Variants in MEF2D observed in about 807,000 individuals in gnomAD.
The protein encoded by MEF2D is myocyte-specific enhancer factor 2D.
A neutral mutation model predicts 59.3 loss-of-function variants in MEF2D; 10 were observed. That is an observed-to-expected ratio of 0.17 (90% CI 0.10 to 0.29). The LOEUF is 0.29. Among genes scored for constraint, MEF2D ranks in the 10% least tolerant of loss-of-function variants. The probability of loss-of-function intolerance (pLI) is 1.00; values close to 1 mark genes in which losing one functional copy is unlikely to be tolerated. For synonymous variants in MEF2D, 305 were observed against 295.0 expected (o/e 1.03, Z -0.35); for missense variants, 508 against 699.4 (o/e 0.73, Z 3.09).
chr1:156,475,835 C>T (rs990491688), intron 8 of MEF2D, among the ~76,000 whole-genome samples: 22 of 152,218 alleles, frequency 1.4e-4, no homozygotes, highest in African/African-American at 5.3e-4. Context: ...GAGGGAGGAG[C>T]CCCCGCCCCA....
chr1:156,497,023 T>C (rs1476424673), intron 1 of MEF2D, among the ~76,000 whole-genome samples: 1 of 152,054 alleles, frequency 6.6e-6, no homozygotes, highest in Non-Finnish European at 1.5e-5. Context: ...GTGCTTTGAG[T>C]TCCCCTCCTT....
chr1:156,483,315 T>C lies in MEF2D; in HGVS notation c.-23A>G. ...CATCTTCTCCGGGGGTCCTCAGTGC[T>C]ACGGAGGGGAGGGGCTCGCTGGGTG... On this transcript the variant is annotated 5_prime_UTR_variant, in exon 2 of 12. Transcript: ENST00000348159. 1 of 1,613,038 alleles carries C rather than the reference T, an allele frequency of 6.2e-7. No individual in the cohort carries two copies. The highest frequency in any genetic ancestry group is 8.5e-7 in the Non-Finnish European group (1 of 1,179,048).
chr1:156,483,925 A>T (rs565446886), intron 1 of MEF2D, among the ~76,000 whole-genome samples: 21 of 152,334 alleles, frequency 1.4e-4, no homozygotes, highest in Non-Finnish European at 1.5e-5. Context: ...GCTCAAGAAC[A>T]TACCAGAGCA....
At chr1:156,487,369 C>T (rs1454076286) in intron 1 of MEF2D, among the ~76,000 whole-genome samples, 1 of 152,208 alleles carries the variant, frequency 6.6e-6, no homozygotes, top group Admixed American at 6.5e-5. Flanking sequence ...CTTCCCAGGC[C>T]CCTTTCCCCA....
chr1:156,488,145 G>T (rs1460412037), intron 1 of MEF2D, among the ~76,000 whole-genome samples: 1 of 152,270 alleles, frequency 6.6e-6, no homozygotes, highest in Non-Finnish European at 1.5e-5. Context: ...GACAGGACAA[G>T]GGTGGGGCGG....
At chr1:156,469,067 A>G (rs1010991166) in intron 9 of MEF2D, 47 bp from the exon 10 acceptor site, 2 of 1,554,194 alleles carry the variant, frequency 1.3e-6, no homozygotes, top group Admixed American at 1.8e-5. Context: ...GGGAGAGCAC[A>G]CAGGCTCCTA....
intron 1 of MEF2D, among the ~76,000 whole-genome samples, chr1:156,488,790 G>C (rs1029585485): frequency 3.8e-4 from 58 of 152,284 alleles, no homozygotes; most frequent in African/African-American, 1.3e-3. Flanking sequence ...AGCGGTGAAG[G>C]GGAGAGGTCA....
chr1:156,472,382 A>C (rs1350728091), intron 9 of MEF2D, among the ~76,000 whole-genome samples: 1 of 152,242 alleles, frequency 6.6e-6, no homozygotes, highest in Middle Eastern at 3.2e-3. Context: ...CTGGGCACAC[A>C]CATGGGTGCA....
rs1670881231 is a variant in MEF2D, at chr1:156,466,885, C to G, written c.*760G>C. 1 of 152,742 alleles carries G rather than the reference C, an allele frequency of 6.5e-6. No individual in the cohort carries two copies. The highest frequency in any genetic ancestry group is 2.1e-4 in the South Asian group (1 of 4,840). The allele number at this position is 152,742 out of a possible 1,614,324, so 9.5% of individuals were successfully genotyped here. ...AGCCCTCTCCTCATGGCTCTCTTGTCTTTCCCTCCAAATGTGCTTCCAGAG... is the reference window on the plus strand; with the variant it reads ...AGCCCTCTCCTCATGGCTCTCTTGTGTTTCCCTCCAAATGTGCTTCCAGAG... On this transcript the variant is annotated 3_prime_UTR_variant, in exon 12 of 12. Transcript: ENST00000348159.
chr1:156,490,579 G>GC (rs1672728133), intron 1 of MEF2D: 1 of 152,380 alleles, frequency 6.6e-6, no homozygotes, highest in Non-Finnish European at 1.5e-5. Flanking sequence ...TGGGCCTAGG[G>GC]CAGGGGTGGT....
At chr1:156,493,353 G>C (rs1557896541) in intron 1 of MEF2D, among the ~76,000 whole-genome samples, 1 of 152,214 alleles carries the variant, frequency 6.6e-6, no homozygotes, top group Non-Finnish European at 1.5e-5. Context: ...AGAAGCCACT[G>C]AGGATTTAAA....
chr1:156,494,753 C>G (rs76616066), intron 1 of MEF2D, among the ~76,000 whole-genome samples: 20,410 of 152,240 alleles, frequency 0.13, 1,874 homozygotes, highest in Middle Eastern at 0.28. Flanking sequence ...CTCCCTTTCA[C>G]AGGTATGGAA....
intron 3 of MEF2D, 32 bp from the exon 4 acceptor site, chr1:156,481,003 A>G (rs1195458858): frequency 6.2e-7 from 1 of 1,610,830 alleles, no homozygotes; most frequent in Admixed American, 1.7e-5. Flanking sequence ...CAGCTGGGTG[A>G]GAGTCCTTCC....
At chr1:156,481,445 G>A (rs1161321037) in intron 3 of MEF2D, among the ~76,000 whole-genome samples, 3 of 152,286 alleles carry the variant, frequency 2.0e-5, no homozygotes, top group Non-Finnish European at 4.4e-5. Context: ...AGGAGGAAGA[G>A]AGAAATAGAG....
intron 1 of MEF2D, among the ~76,000 whole-genome samples, chr1:156,493,545 C>CA (rs1259777197): frequency 6.6e-6 from 1 of 151,026 alleles, no homozygotes; most frequent in Non-Finnish European, 1.5e-5. Flanking sequence ...CTAAGATGCC[C>CA]AGCCAGATGG....
chr1:156,487,983 C>T (rs767642210), intron 1 of MEF2D, among the ~76,000 whole-genome samples: 1 of 152,248 alleles, frequency 6.6e-6, no homozygotes, highest in Non-Finnish European at 1.5e-5. Context: ...GCCAGGATGG[C>T]CTTCCTGTTC....
chr1:156,480,655 A>T (rs1671939628), intron 4 of MEF2D, 179 bp downstream of exon 4: 1 of 1,553,846 alleles, frequency 6.4e-7, no homozygotes, highest in Non-Finnish European at 8.7e-7. Flanking sequence ...CCAGTCTATA[A>T]CTCTGCATCA....
Position 156,467,450 on chromosome 1 carries a change from C to T in MEF2D, c.*195G>A, listed in dbSNP as rs1317129817. 5 of 247,318 alleles carry T rather than the reference C, an allele frequency of 2.0e-5. No individual in the cohort carries two copies. Among genetic ancestry groups the T allele is most frequent in the Non-Finnish European group, 2.3e-5 (3 of 130,142 alleles). The allele number at this position is 247,318 out of a possible 1,614,324, so 15.3% of individuals were successfully genotyped here. A position where few individuals can be genotyped will look rare whatever the true frequency, so the allele number is the denominator to read the frequency against. On this transcript the variant is annotated 3_prime_UTR_variant, in exon 12 of 12. Coordinates refer to ENST00000348159, the MANE Select transcript of MEF2D (RefSeq NM_005920.4). ...GATGAGAGCATCCCCCTCTCCAAAG[C>T]GAGAATCCAAATTAAAAAAAATATA...
intron 1 of MEF2D, among the ~76,000 whole-genome samples, chr1:156,485,030 T>C (rs1260717340): frequency 6.6e-6 from 1 of 152,124 alleles, no homozygotes; most frequent in African/African-American, 2.4e-5. Flanking sequence ...ATTTGGGTCC[T>C]GGGAGGAGCC....
Sources: allele counts gnomAD v4.1 joint callset (sites outside exome capture counted in the v4.1 genomes callset), GRCh38; gene constraint gnomAD v4.1.1; transcripts MANE v1.5; gene names NCBI Gene and HGNC (gene_info 2026-07-23, HGNC 2026-07-21).